UIMC1: variants seen among roughly 807,000 people sequenced by gnomAD.
UIMC1 encodes ubiquitin interaction motif containing 1, also known as BRCA1-A complex subunit RAP80.
A neutral mutation model predicts 84.9 loss-of-function variants in UIMC1; 42 were observed. The ratio of observed to expected loss-of-function variants is 0.49; its 90% CI spans 0.39 to 0.64. The LOEUF is 0.64. UIMC1 is among the 30% of genes least tolerant of loss of function. The pLI is 0.00. For synonymous variants in UIMC1, 281 were observed against 293.0 expected, an observed-to-expected ratio of 0.96 and a Z score of 0.42; for missense variants, 825 against 847.6, an observed-to-expected ratio of 0.97 and a Z score of 0.33.
chr5:176,943,599 C>T, intron 9 of UIMC1, 111 bp from the exon 10 acceptor site: 1 of 1,328,724 alleles, frequency 7.5e-7, no homozygotes, highest in Non-Finnish European at 1.0e-6. Flanking sequence ...GAGACAACAA[C>T]AGCTTATCAA....
intron 10 of UIMC1, among the ~76,000 whole-genome samples, chr5:176,924,410 C>T (rs770164192): frequency 5.3e-5 from 8 of 151,782 alleles, no homozygotes; most frequent in Non-Finnish European, 1.0e-4. Context: ...CTTTAAGACT[C>T]GCTATGAAGC....
chr5:177,005,861 C>CG (rs1353638261), intron 1 of UIMC1, among the ~76,000 whole-genome samples: 3 of 152,218 alleles, frequency 2.0e-5, no homozygotes, highest in South Asian at 4.2e-4. Context: ...GCCCGGGACT[C>CG]GCGCCCCGTT....
chr5:176,922,697 A>G (rs1187919519), intron 10 of UIMC1, among the ~76,000 whole-genome samples: 1 of 152,200 alleles, frequency 6.6e-6, no homozygotes, highest in African/African-American at 2.4e-5. Context: ...AATTCTGATG[A>G]CGTTTTTAGA....
intron 10 of UIMC1, among the ~76,000 whole-genome samples, chr5:176,930,320 T>C (rs990192647): frequency 2.0e-5 from 3 of 152,224 alleles, no homozygotes; most frequent in African/African-American, 7.2e-5. Context: ...TTGGATTTAG[T>C]ATCCTGAAAC....
chr5:176,967,394 A>G (rs565116800), intron 6 of UIMC1, among the ~76,000 whole-genome samples: 1 of 152,286 alleles, frequency 6.6e-6, no homozygotes, highest in Non-Finnish European at 1.5e-5. Flanking sequence ...CATTTGTGTA[A>G]AAGAAGGCAG....
chr5:176,938,191 A>C (rs1290635619), intron 10 of UIMC1, among the ~76,000 whole-genome samples: 1 of 52,010 alleles, frequency 1.9e-5, no homozygotes, highest in Non-Finnish European at 5.7e-5. Flanking sequence ...CCCTGTCTCA[A>C]AAAAAAAAAA....
At chr5:176,954,367 G>A (rs564176335) in intron 8 of UIMC1, among the ~76,000 whole-genome samples, 3 of 152,234 alleles carry the variant, frequency 2.0e-5, no homozygotes, top group South Asian at 2.1e-4. Context: ...GCACTCGGTA[G>A]TGTAGTCTCT....
Position 176,970,819 on chromosome 5 carries a change from G to T in UIMC1, c.280C>A (p.Gln94Lys), listed in dbSNP as rs1425502333. The T allele has an allele frequency of 1.2e-6, 2 of 1,613,970 alleles. No homozygotes were observed. The highest frequency in any genetic ancestry group is 3.3e-5 in the Admixed American group (2 of 60,014). ...TGGCTGTTCACCTCCCTAGCTTCCT[G>T]CTCACTCATTTTGAGAGCCAGAGCA... ...QFALALKMSE[Q>K]EAREVNSQEE... The change falls in exon 4 of 15, where the codon CAG becomes AAG. Residue 94 changes from glutamine (Q) to lysine (K), a missense_variant. By Grantham distance (53) the Gln-to-Lys change is moderately conservative (BLOSUM62 1). Transcript: ENST00000511320.
intron 11 of UIMC1, among the ~76,000 whole-genome samples, chr5:176,909,236 C>A (rs953201061): frequency 3.4e-4 from 52 of 152,174 alleles, no homozygotes; most frequent in African/African-American, 1.2e-3. Flanking sequence ...GAGGCTTTTG[C>A]GTAATTTTAT....
intron 1 of UIMC1, among the ~76,000 whole-genome samples, chr5:176,990,449 G>C (rs1045914636): frequency 6.6e-6 from 1 of 152,058 alleles, no homozygotes; most frequent in Non-Finnish European, 1.5e-5. Context: ...CCCAGTCTAA[G>C]ATATTCTGTT....
At chr5:176,967,771 C>T (rs1367497573) in intron 6 of UIMC1, among the ~76,000 whole-genome samples, 3 of 151,880 alleles carry the variant, frequency 2.0e-5, no homozygotes, top group Non-Finnish European at 4.4e-5. Context: ...AGCGTAGTAG[C>T]GTGCACCTAT....
intron 1 of UIMC1, among the ~76,000 whole-genome samples, chr5:177,020,004 T>G (rs1775754578): frequency 6.6e-6 from 1 of 152,336 alleles, no homozygotes. Flanking sequence ...CTCTAGGGCC[T>G]GAGGCCTGAC....
At chr5:176,993,735 C>T (rs964241832) in intron 1 of UIMC1, among the ~76,000 whole-genome samples, 3 of 151,952 alleles carry the variant, frequency 2.0e-5, no homozygotes, top group Non-Finnish European at 4.4e-5. Flanking sequence ...CTGCCAGGCG[C>T]GGTGGCTCAC....
chr5:177,010,416 C>T (rs182513000), upstream of UIMC1, among the ~76,000 whole-genome samples: 1,219 of 152,238 alleles, frequency 8.0e-3, 9 homozygotes, highest in Non-Finnish European at 0.013. Context: ...ATTGTGATGC[C>T]ATTTACGTAA....
chr5:176,988,553 G>A (rs1234736128), intron 1 of UIMC1, among the ~76,000 whole-genome samples: 4 of 151,978 alleles, frequency 2.6e-5, no homozygotes, highest in East Asian at 1.9e-4. Flanking sequence ...TGGATATAAG[G>A]TTTATTTTGG....
chr5:176,994,452 T>G (rs1197473884), intron 1 of UIMC1, among the ~76,000 whole-genome samples: 1 of 148,910 alleles, frequency 6.7e-6, no homozygotes, highest in Non-Finnish European at 1.5e-5. Context: ...GAACCTCTCA[T>G]ATACTGCTAA....
chr5:176,969,049 T>C lies in UIMC1; in HGVS notation c.706A>G (p.Ser236Gly). Residue 236 changes from serine to glycine, a missense_variant, in exon 6 of 15, where the codon AGT (serine) becomes GGT (glycine). Physicochemically the swap from Ser to Gly is moderately conservative, Grantham distance 56. Transcript: ENST00000511320. ...AGAAAAGCAGAACCCCTCCCAGTACTTTCCTGTGGCTTCCCACACTGTGTG... is the reference window on the plus strand; with the variant it reads ...AGAAAAGCAGAACCCCTCCCAGTACCTTCCTGTGGCTTCCCACACTGTGTG... ...EHTQCGKPQE[S>G]TGRGSAFLKA... 8 of 1,614,170 alleles carry C rather than the reference T, an allele frequency of 5.0e-6. No individual in the cohort carries two copies. Among genetic ancestry groups the C allele is most frequent in the African/African-American group, 1.3e-5 (1 of 75,054 alleles).
At chr5:176,988,087 G>A (rs192956362) in intron 1 of UIMC1, among the ~76,000 whole-genome samples, 53 of 129,362 alleles carry the variant, frequency 4.1e-4, no homozygotes, top group African/African-American at 1.5e-3. Flanking sequence ...ACCAATATCC[G>A]TGCCACAGCA....
chr5:176,969,365 C>T, intron 5 of UIMC1, 74 bp from the exon 6 acceptor site: 1 of 1,516,256 alleles, frequency 6.6e-7, no homozygotes, highest in Non-Finnish European at 8.8e-7. Context: ...TTATCACTTA[C>T]CAAGAATTAC....
Sources: allele counts gnomAD v4.1 joint callset (sites outside exome capture counted in the v4.1 genomes callset), GRCh38; gene constraint gnomAD v4.1.1; transcripts MANE v1.5; gene names NCBI Gene and HGNC (gene_info 2026-07-23, HGNC 2026-07-21).